The following VWA3B variants were observed in gnomAD, a reference collection of about 807,000 sequenced individuals.
VWA3B encodes the protein von Willebrand factor A domain-containing protein 3B.
A neutral mutation model predicts 158.3 loss-of-function variants in VWA3B; 138 were observed. That is an observed-to-expected ratio of 0.87 (90% CI 0.76 to 1.00). The LOEUF (loss-of-function observed/expected upper bound fraction) is 1.00. Among genes scored for constraint, VWA3B ranks in the 50% least tolerant of loss-of-function variants. VWA3B has a pLI of 0.00. For synonymous variants in VWA3B, 596 were observed against 587.3 expected (o/e 1.01, Z -0.21); for missense variants, 1,555 against 1,565.1 (o/e 0.99, Z 0.11).
chr2:98,217,655 T>C (rs1254131167), intron 13 of VWA3B, among the ~76,000 whole-genome samples, 191 bp from the exon 14 acceptor site: 9 of 152,336 alleles, frequency 5.9e-5, no homozygotes, highest in African/African-American at 1.9e-4. Context: ...TTGTGGATCA[T>C]TGTACTCTCA....
chr2:98,224,034 A>T (rs1304521449), intron 14 of VWA3B, among the ~76,000 whole-genome samples: 1 of 152,230 alleles, frequency 6.6e-6, no homozygotes, highest in Non-Finnish European at 1.5e-5. Context: ...TTTATATTTC[A>T]CAAAACTATC....
intron 8 of VWA3B, 125 bp from the exon 9 acceptor site, chr2:98,180,891 T>C (rs1250950666): frequency 7.0e-6 from 7 of 998,816 alleles, no homozygotes; most frequent in Non-Finnish European, 1.0e-5. Context: ...GAAAGCTGTT[T>C]TCTGAAATGA....
rs1203395001 is a variant in VWA3B, at chr2:98,177,796, G to A, written c.1115-3220G>A. 3.9e-5 allele frequency among the ~76,000 whole-genome samples: 6 copies of A among 152,236 alleles called. No individual in the cohort carries two copies. The South Asian group carries it at 1.0e-3, about 26-fold the overall frequency. On this transcript the variant is annotated intron_variant, in intron 8 of 27. Transcript: ENST00000477737. The stretch of plus-strand genomic sequence containing the variant: ...CTGACTCTTTCAAAACCCTTGCGAG[G>A]ATTGGTTCGAATGTGTTTTTAGGAA...
chr2:98,242,987 T>A (rs1391571042), intron 19 of VWA3B, among the ~76,000 whole-genome samples: 1 of 151,960 alleles, frequency 6.6e-6, no homozygotes, highest in Non-Finnish European at 1.5e-5. Context: ...ATATATTCAA[T>A]GTATAGAAAG....
intron 19 of VWA3B, among the ~76,000 whole-genome samples, chr2:98,242,974 T>C (rs1686175532): frequency 6.6e-6 from 1 of 151,896 alleles, no homozygotes; most frequent in Admixed American, 6.6e-5. Context: ...AACCTACATA[T>C]GTATATATTC....
At chr2:98,328,725 G>A in the VWA3B span, among the ~76,000 whole-genome samples, 1 of 152,016 alleles carries the variant, frequency 6.6e-6, no homozygotes, top group Non-Finnish European at 1.5e-5. Context: ...TAGATTGGGG[G>A]GAAAAGATCA....
chr2:98,125,072 C>A lies in VWA3B; in HGVS notation c.703-3167C>A, dbSNP rs1399769915. Among the ~76,000 whole-genome samples, 1 of 152,232 alleles carries A rather than the reference C, an allele frequency of 6.6e-6. No homozygotes were observed. The highest frequency in any genetic ancestry group is 2.4e-5 in the African/African-American group (1 of 41,442). Reference sequence around the variant, plus strand: ...GGAAATGTGGTCGGTGAGGAAGCTACTCCTGGACTGAAGGCTGCTACTGAG... The same window carrying A: ...GGAAATGTGGTCGGTGAGGAAGCTAATCCTGGACTGAAGGCTGCTACTGAG... On this transcript the variant is annotated intron_variant, in intron 5 of 27. Transcript: ENST00000477737. This position sits in a 1 kb window ranked among gnomAD's most constrained non-coding sequence, Gnocchi z 4.1.
At chr2:98,139,983 G>A (rs1390527474) in intron 7 of VWA3B, among the ~76,000 whole-genome samples, 1 of 152,080 alleles carries the variant, frequency 6.6e-6, no homozygotes, top group African/African-American at 2.4e-5. Context: ...CCTGAAGCCA[G>A]CGAGACCACA....
At chr2:98,279,346 A>G (rs1380850617) in intron 22 of VWA3B, among the ~76,000 whole-genome samples, 1 of 152,200 alleles carries the variant, frequency 6.6e-6, no homozygotes, top group Non-Finnish European at 1.5e-5. Context: ...TTCATTCTGA[A>G]GCTAAAGGCA....
chr2:98,173,563 G>A (rs1296645809), intron 8 of VWA3B, among the ~76,000 whole-genome samples: 1 of 152,244 alleles, frequency 6.6e-6, no homozygotes, highest in African/African-American at 2.4e-5. Flanking sequence ...AAATTTGGGA[G>A]AATTGGTCGA....
chr2:98,197,216 G>A (rs2105449470), intron 12 of VWA3B, among the ~76,000 whole-genome samples: 1 of 152,266 alleles, frequency 6.6e-6, no homozygotes, highest in East Asian at 1.9e-4. Context: ...TTTGTCTAAT[G>A]TTTTCTCATT....
At chr2:98,285,846 A>G (rs947653156) in intron 22 of VWA3B, among the ~76,000 whole-genome samples, 2 of 152,072 alleles carry the variant, frequency 1.3e-5, no homozygotes, top group African/African-American at 4.8e-5. Context: ...TATAAATTAT[A>G]ATGTCTATAT....
chr2:98,134,583 G>A (rs879565011), intron 7 of VWA3B, among the ~76,000 whole-genome samples: 1 of 152,048 alleles, frequency 6.6e-6, no homozygotes, highest in Non-Finnish European at 1.5e-5. Flanking sequence ...GCTGAAGACT[G>A]AATAAACCCC....
intron 12 of VWA3B, among the ~76,000 whole-genome samples, chr2:98,198,133 C>T (rs781508410): frequency 1.3e-5 from 2 of 151,996 alleles, no homozygotes; most frequent in Non-Finnish European, 1.5e-5. Flanking sequence ...GCAAACAAAT[C>T]ATGCGTTCAT....
chr2:98,230,322 A>C, intron 16 of VWA3B, 115 bp downstream of exon 16: 6 of 1,083,454 alleles, frequency 5.5e-6, no homozygotes, highest in Non-Finnish European at 7.4e-6. Flanking sequence ...TGGGTTTTTT[A>C]AATTAAAATT....
chr2:98,329,185 A>G, the VWA3B span, among the ~76,000 whole-genome samples: 1 of 152,250 alleles, frequency 6.6e-6, no homozygotes, highest in Non-Finnish European at 1.5e-5. Flanking sequence ...AAAAATTCAC[A>G]GGAAATAGAT....
chr2:98,267,527 C>T (rs186261603), intron 21 of VWA3B, among the ~76,000 whole-genome samples: 10 of 152,012 alleles, frequency 6.6e-5, no homozygotes, highest in Admixed American at 2.6e-4. Flanking sequence ...ATCTCTGGGA[C>T]GCATTCATAG....
intron 4 of VWA3B, 91 bp from the exon 5 acceptor site, chr2:98,121,208 G>A (rs769596596): frequency 8.8e-6 from 13 of 1,469,778 alleles, no homozygotes; most frequent in Non-Finnish European, 1.1e-5. Flanking sequence ...ATGGATGTTG[G>A]CAGCTTGCTG....
intron 21 of VWA3B, among the ~76,000 whole-genome samples, chr2:98,258,140 A>G (rs1182048350): frequency 2.6e-5 from 4 of 151,752 alleles, no homozygotes; most frequent in African/African-American, 9.7e-5. Flanking sequence ...TGGTCTTGGC[A>G]CCCTTGTCAA....
Sources: allele counts gnomAD v4.1 joint callset (sites outside exome capture counted in the v4.1 genomes callset), GRCh38; gene constraint gnomAD v4.1.1; non-coding constraint Gnocchi (gnomAD v3.1); transcripts MANE v1.5; gene names NCBI Gene and HGNC (gene_info 2026-07-23, HGNC 2026-07-21).